Variants in PPL observed in about 807,000 individuals in gnomAD.
The protein encoded by PPL is 190 kDa paraneoplastic pemphigus antigen.
In PPL, 198 loss-of-function variants were observed where a neutral mutation model predicts 194.4. The observed-to-expected ratio is 1.02, with a 90% CI of 0.91 to 1.15. The LOEUF (loss-of-function observed/expected upper bound fraction) is 1.15. PPL is among the 50% of genes most tolerant of loss of function. The probability of loss-of-function intolerance (pLI) is 0.00; values close to 1 mark genes in which losing one functional copy is unlikely to be tolerated. For synonymous variants in PPL, 1,220 were observed against 972.4 expected, an observed-to-expected ratio of 1.25 and a Z score of -4.74; for missense variants, 2,885 against 2,294.8, an observed-to-expected ratio of 1.26 and a Z score of -5.25.
intron 20 of PPL, 126 bp from the exon 21 acceptor site, chr16:4,887,353 G>C (rs2088235894): frequency 1.4e-6 from 1 of 701,372 alleles, no homozygotes. Context: ...CATAGCTCTT[G>C]CCCACTCCTG....
Position 4,893,537 on chromosome 16 carries a change from C to G in PPL, c.1492+4G>C. ...AGCCTCAGGCGAGTGGCCCTGGCAC[C>G]CACCTCCGGGATTCTCGGTCTTCAG... On this transcript the variant is annotated splice_donor_region_variant and intron_variant, in intron 13 of 21. Coordinates refer to ENST00000345988, the MANE Select transcript of PPL (RefSeq NM_002705.5). 2 of 1,612,182 alleles carry G rather than the reference C, an allele frequency of 1.2e-6. No individual in the cohort carries two copies. Among genetic ancestry groups the G allele is most frequent in the Non-Finnish European group, 1.7e-6 (2 of 1,179,616 alleles).
At chr16:4,916,702 G>A (rs1380877692) in intron 1 of PPL, among the ~76,000 whole-genome samples, 2 of 151,066 alleles carry the variant, frequency 1.3e-5, no homozygotes, top group African/African-American at 4.9e-5. Context: ...GGGAGGTTTC[G>A]CCATGTTGCC....
rs2088206793 is a variant in PPL at position 4,885,746 on chromosome 16, T to G, written c.2909A>C (p.Glu970Ala). The stretch of plus-strand genomic sequence containing the variant: ...CAGCTGCAGCTGCAGTGCCTCCAGC[T>G]CCTCCTGCAGCAGCTGGTTCTTGTG... ...EQHKNQLLQEELEALQLQLRA... is the reference protein window; with the variant it reads ...EQHKNQLLQEALEALQLQLRA... The change falls in exon 22 of 22, where the codon GAG becomes GCG. Residue 970 changes from glutamate (E) to alanine (A), a missense_variant. Coordinates refer to ENST00000345988, the MANE Select transcript of PPL (RefSeq NM_002705.5). This position sits in a 1 kb window ranked among gnomAD's most constrained non-coding sequence, Gnocchi z 6.3. The G allele has an allele frequency of 6.2e-7, 1 of 1,612,846 alleles. No individual in the cohort carries two copies. Among genetic ancestry groups the G allele is most frequent in the South Asian group, 1.1e-5 (1 of 91,086 alleles).
chr16:4,914,429 G>C (rs1479413074), intron 1 of PPL, among the ~76,000 whole-genome samples: 1 of 152,202 alleles, frequency 6.6e-6, no homozygotes, highest in Non-Finnish European at 1.5e-5. Flanking sequence ...GATGTTGGGG[G>C]CATTGGGGGC....
Position 4,899,208 on chromosome 16 carries a change from G to A in PPL, c.768+15C>T, listed in dbSNP as rs1305493928. 4.3e-6 allele frequency: 7 copies of A among 1,613,384 alleles called. No individual in the cohort carries two copies. The highest frequency in any genetic ancestry group is 1.1e-5 in the South Asian group (1 of 91,054). ...GGCTGCCTCCTCCCTGATGCCCCAG[G>A]CCCCCAGAACCCACCTCATACTGGC... On this transcript the variant is annotated intron_variant, in intron 7 of 21. Coordinates refer to ENST00000345988, the MANE Select transcript of PPL (RefSeq NM_002705.5).
intron 11 of PPL, among the ~76,000 whole-genome samples, 163 bp downstream of exon 11, chr16:4,895,098 C>CA (rs1351540546): frequency 6.6e-6 from 1 of 152,172 alleles, no homozygotes. Context: ...GTGGGGGCGG[C>CA]ATAGGGGTGC....
intron 1 of PPL, among the ~76,000 whole-genome samples, chr16:4,923,158 C>T (rs905410819): frequency 1.6e-4 from 24 of 152,210 alleles, no homozygotes; most frequent in Non-Finnish European, 3.1e-4. Flanking sequence ...CCTGTCTACC[C>T]GGTTATGCCA....
At position 4,892,176 on chromosome 16, in the gene PPL, T is replaced by G. The variant is rs760294779; in HGVS notation, c.1688A>C (p.Lys563Thr). The G allele has an allele frequency of 6.2e-7, 1 of 1,613,732 alleles. No individual in the cohort carries two copies. The highest frequency in any genetic ancestry group is 1.1e-5 in the South Asian group (1 of 91,076). Residue 563 changes from lysine (K) to threonine (T), a missense_variant, in exon 15 of 22, where the codon AAG becomes ACG. Transcript: ENST00000345988. ...TTCGCCCTCAGCCGTGCTCCGCGTC[T>G]TCTCAGGTTCAATCCGCAGTAGCTC... is the stretch of plus-strand genomic sequence containing the variant. ...TNELLRIEPE[K>T]TRSTAEGEAF...
intron 21 of PPL, 117 bp from the exon 22 acceptor site, chr16:4,886,164 G>A (rs2088216642): frequency 8.0e-7 from 1 of 1,246,848 alleles, no homozygotes; most frequent in African/African-American, 1.5e-5. Flanking sequence ...CTCAGTGCCA[G>A]TTCATGTTAG....
In PPL at chr16:4,883,353, C is replaced by G. The variant is rs748862161; in HGVS notation, c.*31G>C. On this transcript the variant is annotated 3_prime_UTR_variant, in exon 22 of 22. Coordinates refer to ENST00000345988, the MANE Select transcript of PPL (RefSeq NM_002705.5). This position sits in a 1 kb window ranked among gnomAD's most constrained non-coding sequence, Gnocchi z 4.8. ...CTGCGTCGTAGGAGAGGGCCAGCGTCTGCCGTTACGAAGAGTTGCAAGAGC... is the reference window on the plus strand; with the variant it reads ...CTGCGTCGTAGGAGAGGGCCAGCGTGTGCCGTTACGAAGAGTTGCAAGAGC... 2 of 1,611,664 alleles carry G rather than the reference C, an allele frequency of 1.2e-6. No homozygotes were observed. The highest frequency in any genetic ancestry group is 2.7e-5 in the African/African-American group (2 of 74,894).
At chr16:4,913,121 A>C (rs115412245) in intron 1 of PPL, among the ~76,000 whole-genome samples, 12,673 of 151,646 alleles carry the variant, frequency 0.084, 556 homozygotes, top group Middle Eastern at 0.11. Context: ...AAAAACAAGA[A>C]AAGAAAAAAA....
Position 4,893,374 on chromosome 16 carries a change from TGGAG to T in PPL, c.1493-8_1493-5del. On this transcript the variant is annotated splice_region_variant and splice_polypyrimidine_tract_variant and intron_variant, in intron 13 of 21. Transcript: ENST00000345988. ...CGCCCCTGTAGGTCAGAGGCATCTGTGGAGGGAGGGAGGACACAGGCAGGTGTGA... is the reference window on the plus strand; with the variant it reads ...CGCCCCTGTAGGTCAGAGGCATCTGTGGAGGGAGGACACAGGCAGGTGTGA... The T allele has an allele frequency of 6.2e-7, 1 of 1,605,464 alleles. No homozygotes were observed.
chr16:4,917,252 T>C (rs2142399570), intron 1 of PPL, among the ~76,000 whole-genome samples: 1 of 152,332 alleles, frequency 6.6e-6, no homozygotes, highest in East Asian at 1.9e-4. Context: ...CTCCACTTTT[T>C]AGTGGAAACA....
At chr16:4,932,336 C>T (rs1421217689) in intron 1 of PPL, among the ~76,000 whole-genome samples, 1 of 152,174 alleles carries the variant, frequency 6.6e-6, no homozygotes, top group Non-Finnish European at 1.5e-5. Context: ...CCTACCAACA[C>T]TGATCGATGG....
At position 4,885,573 on chromosome 16, in the gene PPL, C is replaced by G. The variant is rs940934836; in HGVS notation, c.3082G>C (p.Glu1028Gln). The change falls in exon 22 of 22, where the codon GAG becomes CAG. Residue 1028 changes from glutamate to glutamine, a missense_variant. Glu to Gln is a conservative substitution (Grantham distance 29). Transcript: ENST00000345988. The surrounding 1 kb of genome is among the most constrained non-coding windows in gnomAD (Gnocchi z 6.3). ...EALRRQKGAR[E>Q]AEVLLLQQRV... ...TGCTGCAGGAGGAGCACCTCTGCCT[C>G]CCGGGCGCCCTTCTGCCGCCTCAGT... 1 of 1,611,180 alleles carries G rather than the reference C, an allele frequency of 6.2e-7. No individual in the cohort carries two copies. Among genetic ancestry groups the G allele is most frequent in the Non-Finnish European group, 8.5e-7 (1 of 1,179,934 alleles).
At chr16:4,914,692 G>T (rs1278719803) in intron 1 of PPL, among the ~76,000 whole-genome samples, 2 of 152,202 alleles carry the variant, frequency 1.3e-5, no homozygotes, top group Admixed American at 1.3e-4. Context: ...ATATGTTCAT[G>T]AGCCAGCAAA....
intron 11 of PPL, 43 bp downstream of exon 11, chr16:4,895,218 A>C: frequency 6.5e-7 from 1 of 1,540,448 alleles, no homozygotes; most frequent in Non-Finnish European, 8.8e-7. Flanking sequence ...TGTTACCCCA[A>C]AAACTTTGTA....
At chr16:4,912,119 C>T (rs2088831000) in intron 1 of PPL, among the ~76,000 whole-genome samples, 1 of 152,174 alleles carries the variant, frequency 6.6e-6, no homozygotes, top group Admixed American at 6.5e-5. Flanking sequence ...TTTAGTACTA[C>T]ACATTCAGAA....
intron 1 of PPL, among the ~76,000 whole-genome samples, chr16:4,923,296 C>G (rs758206010): frequency 7.2e-5 from 11 of 152,192 alleles, no homozygotes; most frequent in Non-Finnish European, 1.3e-4. Flanking sequence ...CTTACCTGGC[C>G]CAATGCAACA....
Sources: allele counts gnomAD v4.1 joint callset (sites outside exome capture counted in the v4.1 genomes callset), GRCh38; gene constraint gnomAD v4.1.1; non-coding constraint Gnocchi (gnomAD v3.1); transcripts MANE v1.5; gene names NCBI Gene and HGNC (gene_info 2026-07-23, HGNC 2026-07-21).